The following MYT1L variants were observed in gnomAD, a reference collection of about 807,000 sequenced individuals.
MYT1L encodes the protein myelin transcription factor 1-like protein.
In MYT1L, 12 loss-of-function variants were observed where a neutral mutation model predicts 126.7. The ratio of observed to expected loss-of-function variants is 0.09; its 90% confidence interval spans 0.06 to 0.15. The LOEUF (loss-of-function observed/expected upper bound fraction) is 0.15. MYT1L is among the 10% of genes least tolerant of loss of function. The pLI, the probability that MYT1L is intolerant of heterozygous loss-of-function variation, is 1.00. For synonymous variants in MYT1L, 541 were observed against 604.2 expected (o/e 0.90, Z 1.53); for missense variants, 979 against 1,585.2 (o/e 0.62, Z 6.49).
intron 18 of MYT1L, among the ~76,000 whole-genome samples, chr2:1,863,857 T>C (rs919419050): frequency 1.3e-5 from 2 of 152,218 alleles, no homozygotes; most frequent in Non-Finnish European, 2.9e-5. Context: ...AGAAATCTTG[T>C]TCTGAACATT....
intron 5 of MYT1L, among the ~76,000 whole-genome samples, chr2:1,986,573 AAAT>A (rs1208883117): frequency 1.3e-5 from 2 of 152,196 alleles, no homozygotes; most frequent in East Asian, 3.8e-4. Context: ...TGCTTTCATA[AAAT>A]AATTTACATT....
At chr2:1,861,022 T>C (rs2044519750) in intron 18 of MYT1L, among the ~76,000 whole-genome samples, 2 of 152,060 alleles carry the variant, frequency 1.3e-5, no homozygotes, top group Non-Finnish European at 2.9e-5. Flanking sequence ...CACTCACTCC[T>C]AGCCCCAGAG....
chr2:2,130,779 G>T (rs906080299), intron 3 of MYT1L, among the ~76,000 whole-genome samples: 1 of 152,072 alleles, frequency 6.6e-6, no homozygotes, highest in Non-Finnish European at 1.5e-5. Flanking sequence ...ATGAACCTTT[G>T]GATAAAATGA....
intron 5 of MYT1L, among the ~76,000 whole-genome samples, chr2:1,990,054 G>A (rs2061350103): frequency 6.6e-6 from 1 of 152,186 alleles, no homozygotes; most frequent in Admixed American, 6.5e-5. Context: ...TTAATGGCTG[G>A]TAGTTTATGC....
At chr2:2,166,787 C>A (rs1281689246) in intron 3 of MYT1L, among the ~76,000 whole-genome samples, 3 of 152,180 alleles carry the variant, frequency 2.0e-5, no homozygotes, top group Non-Finnish European at 4.4e-5. Context: ...CCTTTAGTAA[C>A]CCCCACATAA....
At chr2:2,122,407 G>A (rs1191421783) in intron 3 of MYT1L, among the ~76,000 whole-genome samples, 1 of 152,136 alleles carries the variant, frequency 6.6e-6, no homozygotes, top group Non-Finnish European at 1.5e-5. Context: ...AGCACCCAGG[G>A]CATCAGAGCC....
At chr2:2,273,332 C>T (rs1228677214) in intron 2 of MYT1L, among the ~76,000 whole-genome samples, 1 of 152,124 alleles carries the variant, frequency 6.6e-6, no homozygotes, top group Non-Finnish European at 1.5e-5. Flanking sequence ...CTAGAAATGA[C>T]CCCTGATAAA....
intron 23 of MYT1L, among the ~76,000 whole-genome samples, chr2:1,796,393 C>A (rs571833702): frequency 1.1e-4 from 16 of 152,322 alleles, no homozygotes; most frequent in African/African-American, 3.8e-4. Flanking sequence ...CTGCCTCCTG[C>A]CCATGCCCGT....
chr2:1,868,165 G>A (rs1035450385), intron 18 of MYT1L, among the ~76,000 whole-genome samples: 1 of 152,090 alleles, frequency 6.6e-6, no homozygotes, highest in Non-Finnish European at 1.5e-5. Flanking sequence ...GTTTCACCAG[G>A]TTGGCCAGGC....
chr2:2,181,049 C>T (rs1043712670), intron 2 of MYT1L, among the ~76,000 whole-genome samples: 5 of 146,380 alleles, frequency 3.4e-5, no homozygotes, highest in African/African-American at 1.3e-4. Flanking sequence ...CCTGTGTGTG[C>T]ACCTGTAACC....
chr2:2,241,397 C>A (rs2094438223), intron 2 of MYT1L, among the ~76,000 whole-genome samples: 2 of 152,124 alleles, frequency 1.3e-5, no homozygotes, highest in Admixed American at 6.5e-5. Context: ...TTCTATGACC[C>A]CAGCATGGCA....
intron 2 of MYT1L, among the ~76,000 whole-genome samples, chr2:2,264,550 C>T (rs1273074021): frequency 8.5e-5 from 13 of 152,158 alleles, no homozygotes; most frequent in Non-Finnish European, 1.5e-4. Flanking sequence ...CAGTAAGGCA[C>T]TAATTCTGCG....
intron 8 of MYT1L, among the ~76,000 whole-genome samples, chr2:1,974,102 G>A (rs1255971470): frequency 6.6e-6 from 1 of 152,218 alleles, no homozygotes; most frequent in Non-Finnish European, 1.5e-5. Flanking sequence ...ACACCAGGCT[G>A]ACTTGCACAG....
At chr2:2,067,060 T>G (rs566679983) in intron 3 of MYT1L, among the ~76,000 whole-genome samples, 55 of 152,252 alleles carry the variant, frequency 3.6e-4, no homozygotes, top group Non-Finnish European at 7.1e-4. Context: ...AATCAAAATA[T>G]CAAATGAGAC....
At chr2:2,286,562 C>G (rs58799582) in intron 1 of MYT1L, among the ~76,000 whole-genome samples, 10,935 of 152,216 alleles carry the variant, frequency 0.072, 575 homozygotes, top group South Asian at 0.14. Flanking sequence ...GTCTGGTCTT[C>G]GGATTTTACT....
chr2:2,210,727 A>T (rs1419534221), intron 2 of MYT1L, among the ~76,000 whole-genome samples: 1 of 152,108 alleles, frequency 6.6e-6, no homozygotes. Context: ...TTGTGGTTAC[A>T]TATTAATTTT....
At chr2:2,109,413 G>A (rs369165139) in intron 3 of MYT1L, among the ~76,000 whole-genome samples, 3 of 152,114 alleles carry the variant, frequency 2.0e-5, no homozygotes, top group East Asian at 1.9e-4. Context: ...CCGGATGGGC[G>A]CCAGAGGTAG....
chr2:1,878,503 G>GAACAATAT lies in MYT1L; in HGVS notation c.2711+8028_2711+8035dup, dbSNP rs1398995113. Among the ~76,000 whole-genome samples, 4 of 152,214 alleles carry GAACAATAT rather than the reference G, an allele frequency of 2.6e-5. No individual in the cohort carries two copies. The Middle Eastern group carries it at 0.01, about 388-fold the overall frequency. On this transcript the variant is annotated intron_variant, in intron 18 of 24. Transcript: ENST00000647738. ...CTTTGTGTAGTAAAAACCACACAAA[G>GAACAATAT]AACAATATAAAATAAGTGTAAGGTT...
chr2:2,320,648 C>T (rs2096147901), intron 1 of MYT1L, among the ~76,000 whole-genome samples: 1 of 152,118 alleles, frequency 6.6e-6, no homozygotes, highest in South Asian at 2.1e-4. Flanking sequence ...GGTTTGAATA[C>T]AGAAAATACA....
Sources: allele counts gnomAD v4.1 joint callset (sites outside exome capture counted in the v4.1 genomes callset), GRCh38; gene constraint gnomAD v4.1.1; transcripts MANE v1.5; gene names NCBI Gene and HGNC (gene_info 2026-07-23, HGNC 2026-07-21).